Variants in SLC9A7 observed in about 807,000 individuals in gnomAD.
SLC9A7 encodes sodium/hydrogen exchanger 7.
Under a neutral mutation model 52.6 loss-of-function variants are expected in SLC9A7, and 19 were observed. The observed-to-expected ratio is 0.36, with a 90% CI of 0.25 to 0.53. The LOEUF (loss-of-function observed/expected upper bound fraction) is 0.53, where lower values mean the gene tolerates loss of function less well. Ranked by LOEUF, SLC9A7 falls within the 20% of genes least tolerant of loss-of-function variation. The pLI, the probability that SLC9A7 is intolerant of heterozygous loss-of-function variation, is 0.91. For synonymous variants in SLC9A7, 226 were observed against 252.1 expected (o/e 0.90, Z 0.98); for missense variants, 455 against 597.9 (o/e 0.76, Z 2.49).
Position 46,603,698 on chromosome X carries a change from G to A in SLC9A7, c.*3254C>T, listed in dbSNP as rs1373246537. On this transcript the variant is annotated 3_prime_UTR_variant, in exon 17 of 17. Transcript: ENST00000616978. ...CTAAAAATATAAAAAAATTAGCTGG[G>A]TGTGGTGGCATGTGCCTGTAATCCC... is the stretch of plus-strand genomic sequence containing the variant. The A allele has an allele frequency of 1.8e-5, 2 of 111,648 alleles. No individual in the cohort carries two copies. The highest frequency in any genetic ancestry group is 3.8e-5 in the Non-Finnish European group (2 of 53,172). 9.2% of individuals were successfully genotyped at this position (111,648 alleles called of 1,213,427 possible). A position where few individuals can be genotyped will look rare whatever the true frequency, so the allele number is the denominator to read the frequency against.
intron 12 of SLC9A7, among the ~76,000 whole-genome samples, chrX:46,639,932 A>G (rs897696494): frequency 3.2e-4 from 36 of 112,291 alleles, no homozygotes; most frequent in African/African-American, 1.1e-3. Context: ...ATCGAATGAA[A>G]GAAATCAAAG....
intron 14 of SLC9A7, among the ~76,000 whole-genome samples, chrX:46,627,793 G>C (rs1427314809): frequency 1.8e-5 from 2 of 108,617 alleles, no homozygotes; most frequent in African/African-American, 6.7e-5. Context: ...GGGGGGCGGT[G>C]GTCACAGAGT....
chrX:46,663,463 G>A (rs1943861456), intron 5 of SLC9A7, among the ~76,000 whole-genome samples: 2 of 104,566 alleles, frequency 1.9e-5, no homozygotes, highest in Admixed American at 2.1e-4. Context: ...ACACAGTGAA[G>A]CCCCGTCTCT....
chrX:46,713,429 A>G (rs1233455587), intron 1 of SLC9A7, among the ~76,000 whole-genome samples: 1 of 109,283 alleles, frequency 9.2e-6, no homozygotes, highest in Non-Finnish European at 1.9e-5. Context: ...TGAACCCGGG[A>G]GGTGGAGGTT....
At chrX:46,618,747 C>G (rs765481801) in intron 15 of SLC9A7, among the ~76,000 whole-genome samples, 1 of 111,570 alleles carries the variant, frequency 9.0e-6, no homozygotes, top group East Asian at 2.8e-4. Flanking sequence ...AGTTCCAGAC[C>G]AGCCTGGGCA....
chrX:46,709,002 TA>T (rs1307059321), intron 1 of SLC9A7, among the ~76,000 whole-genome samples: 1 of 111,447 alleles, frequency 9.0e-6, no homozygotes, highest in Admixed American at 9.5e-5. Context: ...ATAAATGCGT[TA>T]AATAGTATGT....
chrX:46,693,902 G>A (rs1385620559), intron 1 of SLC9A7, among the ~76,000 whole-genome samples: 4 of 110,371 alleles, frequency 3.6e-5, no homozygotes, highest in African/African-American at 1.3e-4. Flanking sequence ...AAATTGCAAC[G>A]TGGATGGAGC....
In SLC9A7 at chrX:46,600,231, T is replaced by C. The variant is rs1286559125; in HGVS notation, c.*6721A>G. The C allele has an allele frequency of 8.9e-6, 1 of 112,222 alleles. No homozygotes were observed. Among genetic ancestry groups the C allele is most frequent in the Non-Finnish European group, 1.9e-5 (1 of 53,314 alleles). 9.2% of individuals were successfully genotyped at this position (112,222 alleles called of 1,213,427 possible). A position where few individuals can be genotyped will look rare whatever the true frequency, so the allele number is the denominator to read the frequency against. The stretch of plus-strand genomic sequence containing the variant: ...GTTAAGTCATCCAGTAACACCTGAA[T>C]TGTAGCCTTTTTTAAGTGCTTGAGA... On this transcript the variant is annotated 3_prime_UTR_variant, in exon 17 of 17. Coordinates refer to ENST00000616978, the MANE Select transcript of SLC9A7 (RefSeq NM_001257291.2).
intron 1 of SLC9A7, among the ~76,000 whole-genome samples, chrX:46,687,041 A>C (rs1944306358): frequency 8.9e-6 from 1 of 112,043 alleles, no homozygotes; most frequent in Admixed American, 9.5e-5. Context: ...TAATCATGAG[A>C]GCAACGTGTG....
intron 8 of SLC9A7, among the ~76,000 whole-genome samples, chrX:46,653,138 T>C (rs898722582): frequency 2.0e-4 from 22 of 112,320 alleles, no homozygotes; most frequent in Admixed American, 1.9e-3. Context: ...CTCATGCCTG[T>C]AATCCCAGTG....
chrX:46,611,841 T>C (rs1942855803), intron 16 of SLC9A7, among the ~76,000 whole-genome samples: 1 of 111,796 alleles, frequency 8.9e-6, no homozygotes, highest in African/African-American at 3.3e-5. Context: ...TCGGCTGCTC[T>C]GATGTGGCTG....
intron 13 of SLC9A7, among the ~76,000 whole-genome samples, chrX:46,632,346 C>A (rs185096246): frequency 2.7e-5 from 3 of 112,016 alleles, no homozygotes; most frequent in African/African-American, 9.7e-5. Flanking sequence ...GCTTCCATGT[C>A]CATCTCAGCA....
At chrX:46,665,341 CTT>C (rs1943898785) in intron 5 of SLC9A7, among the ~76,000 whole-genome samples, 1 of 110,867 alleles carries the variant, frequency 9.0e-6, no homozygotes, top group African/African-American at 3.3e-5. Flanking sequence ...ATTCAACTAA[CTT>C]TTCTTGGACA....
intron 16 of SLC9A7, among the ~76,000 whole-genome samples, chrX:46,612,128 GAT>G (rs1198782161): frequency 8.9e-6 from 1 of 112,383 alleles, no homozygotes; most frequent in Non-Finnish European, 1.9e-5. Flanking sequence ...TCCTCTCTGA[GAT>G]GCACTTTCCT....
At chrX:46,748,936 C>T (rs970286919) in intron 1 of SLC9A7, among the ~76,000 whole-genome samples, 3 of 110,276 alleles carry the variant, frequency 2.7e-5, no homozygotes, top group Non-Finnish European at 1.9e-5. Context: ...ATGGATAAAA[C>T]GGCAAGTTTT....
At chrX:46,740,029 G>C (rs1360569976) in intron 1 of SLC9A7, among the ~76,000 whole-genome samples, 1 of 111,495 alleles carries the variant, frequency 9.0e-6, no homozygotes, top group African/African-American at 3.3e-5. Flanking sequence ...CAGAGTCCTA[G>C]ACTAGAAAAA....
intron 8 of SLC9A7, among the ~76,000 whole-genome samples, chrX:46,653,395 T>TA (rs1943615655): frequency 9.0e-6 from 1 of 111,311 alleles, no homozygotes; most frequent in Non-Finnish European, 1.9e-5. Flanking sequence ...ACCCTGTCTC[T>TA]AAAAAAATAA....
intron 1 of SLC9A7, among the ~76,000 whole-genome samples, chrX:46,748,566 TACACAC>T (rs753550243): frequency 1.7e-3 from 156 of 92,560 alleles, no homozygotes; most frequent in South Asian, 3.5e-3. Flanking sequence ...TGTGTGCGTG[TACACAC>T]ACACACACAC....
intron 14 of SLC9A7, among the ~76,000 whole-genome samples, chrX:46,626,571 G>A (rs1004882415): frequency 6.2e-5 from 7 of 112,823 alleles, no homozygotes; most frequent in South Asian, 7.3e-4. Context: ...CACCACGCCC[G>A]GCCTGGGCCT....
Sources: gnomAD v4.1 joint callset for allele counts (sites outside exome capture counted in the v4.1 genomes callset) on GRCh38, gnomAD v4.1.1 for gene constraint, MANE v1.5 for transcripts, NCBI Gene and HGNC (gene_info 2026-07-23, HGNC 2026-07-21) for gene names.